GALNT13: variants seen among roughly 807,000 people sequenced by gnomAD.
GALNT13 encodes the protein polypeptide N-acetylgalactosaminyltransferase 13.
GALNT13 carries 28 observed loss-of-function variants against 64.2 expected under a neutral mutation model. That is an observed-to-expected ratio of 0.44 (90% CI 0.32 to 0.60). The LOEUF (loss-of-function observed/expected upper bound fraction) is 0.60, where lower values mean the gene tolerates loss of function less well. Among genes scored for constraint, GALNT13 ranks in the 20% least tolerant of loss-of-function variants. The probability of loss-of-function intolerance (pLI) is 0.05; values close to 1 mark genes in which losing one functional copy is unlikely to be tolerated. For synonymous variants in GALNT13, 214 were observed against 224.6 expected, an observed-to-expected ratio of 0.95 and a Z score of 0.42; for missense variants, 577 against 669.8, an observed-to-expected ratio of 0.86 and a Z score of 1.53.
At chr2:154,007,940 C>A (rs1426994417) in intron 3 of GALNT13, among the ~76,000 whole-genome samples, 3 of 149,024 alleles carry the variant, frequency 2.0e-5, no homozygotes, top group Non-Finnish European at 3.0e-5. Flanking sequence ...AAAGATAGAA[C>A]CCTTCATATT....
chr2:153,267,321 C>G, the GALNT13 span, among the ~76,000 whole-genome samples: 1 of 152,198 alleles, frequency 6.6e-6, no homozygotes, highest in South Asian at 2.1e-4. Context: ...CACATTTTCT[C>G]TCTGCATTGC....
chr2:153,976,176 T>C (rs1694065679), intron 3 of GALNT13, among the ~76,000 whole-genome samples: 1 of 152,152 alleles, frequency 6.6e-6, no homozygotes, highest in South Asian at 2.1e-4. Flanking sequence ...TCTATAAAAG[T>C]GAAAATTTGT....
At chr2:154,081,499 A>G (rs991914758) in intron 3 of GALNT13, among the ~76,000 whole-genome samples, 1 of 151,622 alleles carries the variant, frequency 6.6e-6, no homozygotes, top group Non-Finnish European at 1.5e-5. Flanking sequence ...TCCTTGCTAT[A>G]TGGGAGTGAC....
At chr2:153,238,011 T>G in the GALNT13 span, among the ~76,000 whole-genome samples, 1 of 152,194 alleles carries the variant, frequency 6.6e-6, no homozygotes, top group African/African-American at 2.4e-5. Context: ...GCCTGTTTTT[T>G]GGATAAAAAA....
chr2:153,635,599 G>T, the GALNT13 span, among the ~76,000 whole-genome samples: 12 of 151,996 alleles, frequency 7.9e-5, no homozygotes, highest in African/African-American at 2.9e-4. Flanking sequence ...AAAGTTTATA[G>T]CCTAGGATGA....
chr2:153,274,636 T>C, the GALNT13 span, among the ~76,000 whole-genome samples: 1 of 152,348 alleles, frequency 6.6e-6, no homozygotes. Flanking sequence ...AGTCAAAATT[T>C]CTGTATATAG....
chr2:153,883,687 G>A (rs1044571291), intron 1 of GALNT13, among the ~76,000 whole-genome samples: 10 of 151,076 alleles, frequency 6.6e-5, no homozygotes, highest in Middle Eastern at 3.4e-3. Flanking sequence ...GAGGATTTGG[G>A]ACAAAAAGGG....
At chr2:153,209,139 A>G in the GALNT13 span, among the ~76,000 whole-genome samples, 2 of 151,182 alleles carry the variant, frequency 1.3e-5, no homozygotes, top group African/African-American at 4.9e-5. Flanking sequence ...CACCATGCCC[A>G]GCTAATTTTT....
At chr2:153,251,107 T>C in the GALNT13 span, among the ~76,000 whole-genome samples, 1 of 152,188 alleles carries the variant, frequency 6.6e-6, no homozygotes. Context: ...AGTCCAAAAA[T>C]GACATTTGGC....
intron 4 of GALNT13, among the ~76,000 whole-genome samples, chr2:154,171,146 AT>A (rs1362899896): frequency 5.3e-5 from 8 of 152,252 alleles, no homozygotes; most frequent in African/African-American, 1.9e-4. Flanking sequence ...GAGGTTAGGA[AT>A]ATTTTTCAGA....
intron 11 of GALNT13, among the ~76,000 whole-genome samples, chr2:154,429,895 G>C (rs1232546091): frequency 6.6e-6 from 1 of 152,138 alleles, no homozygotes; most frequent in Non-Finnish European, 1.5e-5. Flanking sequence ...CCTGTGCTCT[G>C]TAAATGGAAC....
intron 4 of GALNT13, among the ~76,000 whole-genome samples, chr2:154,197,116 T>C (rs111489793): frequency 1.3e-5 from 2 of 152,238 alleles, no homozygotes; most frequent in African/African-American, 4.8e-5. Context: ...CCAACATCCT[T>C]AAGTTATTTG....
chr2:153,223,542 T>C, the GALNT13 span, among the ~76,000 whole-genome samples: 2 of 151,990 alleles, frequency 1.3e-5, no homozygotes, highest in Non-Finnish European at 2.9e-5. Context: ...AACTGGAAAA[T>C]CTTGAAATCT....
At chr2:153,674,652 T>C in the GALNT13 span, among the ~76,000 whole-genome samples, 56 of 152,216 alleles carry the variant, frequency 3.7e-4, no homozygotes, top group East Asian at 1.2e-3. Context: ...AAAGACTTCA[T>C]GACTAAAACA....
chr2:154,074,752 C>T (rs1269618416), intron 3 of GALNT13, among the ~76,000 whole-genome samples: 1 of 151,888 alleles, frequency 6.6e-6, no homozygotes, highest in Non-Finnish European at 1.5e-5. Context: ...ATTAAGTTGG[C>T]TTTATCCCTA....
the GALNT13 span, among the ~76,000 whole-genome samples, chr2:153,715,289 T>C: frequency 6.6e-6 from 1 of 152,234 alleles, no homozygotes; most frequent in Admixed American, 6.5e-5. Context: ...GAGGTGGTAA[T>C]TGGATCTGGG....
the GALNT13 span, among the ~76,000 whole-genome samples, chr2:153,336,511 A>T: frequency 1.3e-5 from 2 of 152,148 alleles, no homozygotes; most frequent in South Asian, 2.1e-4. Flanking sequence ...TTGGACTTGC[A>T]TGGGCCCTGT....
At chr2:153,432,875 G>T in the GALNT13 span, among the ~76,000 whole-genome samples, 156 of 152,236 alleles carry the variant, frequency 1.0e-3, 2 homozygotes, top group African/African-American at 3.7e-3. Context: ...CCATCAAACA[G>T]AATGATTTGT....
chr2:154,173,233 C>T (rs1031299265), intron 4 of GALNT13, among the ~76,000 whole-genome samples: 1 of 151,854 alleles, frequency 6.6e-6, no homozygotes, highest in Non-Finnish European at 1.5e-5. Context: ...GGGGAATGAA[C>T]AGTCTCTTTG....
Sources: allele counts gnomAD v4.1 joint callset (sites outside exome capture counted in the v4.1 genomes callset), GRCh38; gene constraint gnomAD v4.1.1; transcripts MANE v1.5; gene names NCBI Gene and HGNC (gene_info 2026-07-23, HGNC 2026-07-21).